The following RAPGEF6 variants were observed in gnomAD, a reference collection of about 807,000 sequenced individuals.
RAPGEF6 encodes PDZ domain containing guanine nucleotide exchange factor (GEF) 2.
A neutral mutation model predicts 171.4 loss-of-function variants in RAPGEF6; 56 were observed. The observed-to-expected ratio is 0.33, with a 90% CI of 0.26 to 0.41. The LOEUF (loss-of-function observed/expected upper bound fraction) is 0.41, where lower values mean the gene tolerates loss of function less well. Ranked by LOEUF, RAPGEF6 falls within the 10% of genes least tolerant of loss-of-function variation. The pLI is 1.00. For synonymous variants in RAPGEF6, 692 were observed against 650.1 expected, an observed-to-expected ratio of 1.06 and a Z score of -0.98; for missense variants, 1,674 against 1,921.4, an observed-to-expected ratio of 0.87 and a Z score of 2.41.
intron 1 of RAPGEF6, among the ~76,000 whole-genome samples, chr5:131,633,625 G>C (rs962957498): frequency 2.0e-5 from 3 of 152,008 alleles, no homozygotes; most frequent in Non-Finnish European, 2.9e-5. Flanking sequence ...CAGCTACTCC[G>C]GAGGCTGAGG....
chr5:131,533,935 A>G (rs1759579496), intron 6 of RAPGEF6, among the ~76,000 whole-genome samples: 1 of 152,064 alleles, frequency 6.6e-6, no homozygotes, highest in South Asian at 2.1e-4. Flanking sequence ...GAAACACAAT[A>G]CCACTAGTAC....
intron 23 of RAPGEF6, among the ~76,000 whole-genome samples, chr5:131,440,426 T>C (rs1297600937): frequency 3.9e-5 from 6 of 152,114 alleles, no homozygotes; most frequent in Admixed American, 1.3e-4. Context: ...CAGAGAGCTA[T>C]AGACACTGTT....
rs746302750 is a variant in RAPGEF6 at position 131,464,310 on chromosome 5, ATTT to A, written c.2240-32_2240-30del. ...CATAAATAGAAAGATATGCTTTGTT[ATTT>A]TTTAAAAAAATCACTTTTAAACCCT... On this transcript the variant is annotated intron_variant, in intron 17 of 27. Coordinates refer to ENST00000509018, the MANE Select transcript of RAPGEF6 (RefSeq NM_016340.6). 4.4e-6 allele frequency: 7 copies of A among 1,586,140 alleles called. No homozygotes were observed. The Admixed American group carries it at 8.4e-5, about 19-fold the overall frequency.
At chr5:131,464,443 CCTT>C (rs1254166640) in intron 17 of RAPGEF6, 162 bp from the exon 18 acceptor site, 6 of 586,028 alleles carry the variant, frequency 1.0e-5, no homozygotes, top group Non-Finnish European at 1.8e-5. Context: ...ATAAATATAT[CCTT>C]TTTTTTTTTT....
At chr5:131,432,196 G>A (rs1262648771) in intron 25 of RAPGEF6, among the ~76,000 whole-genome samples, 5 of 152,158 alleles carry the variant, frequency 3.3e-5, no homozygotes, top group African/African-American at 4.8e-5. Context: ...GTAGATTGCA[G>A]AGGCGAAAAT....
At chr5:131,547,462 T>C (rs552382713) in intron 6 of RAPGEF6, among the ~76,000 whole-genome samples, 259 of 151,696 alleles carry the variant, frequency 1.7e-3, no homozygotes, top group African/African-American at 5.7e-3. Flanking sequence ...CTTTTCAGTC[T>C]AAAAAGAAGC....
At chr5:131,548,325 T>C (rs761630330) in intron 5 of RAPGEF6, 135 bp from the exon 6 acceptor site, 223 of 774,696 alleles carry the variant, frequency 2.9e-4, no homozygotes, top group Admixed American at 8.9e-4. Flanking sequence ...ACAGTCTGTA[T>C]AGCACAACGC....
intron 4 of RAPGEF6, among the ~76,000 whole-genome samples, chr5:131,585,426 G>A (rs1763200188): frequency 6.6e-6 from 1 of 152,078 alleles, no homozygotes. Flanking sequence ...ACTGCTTAGG[G>A]CAAAGCTGCC....
At chr5:131,598,953 AACAAGCCTGAGT>A (rs1168795342) in intron 3 of RAPGEF6, among the ~76,000 whole-genome samples, 2 of 152,236 alleles carry the variant, frequency 1.3e-5, no homozygotes, top group East Asian at 3.8e-4. Context: ...AATCTTGAAG[AACAAGCCTGAGT>A]ACAAGCCTGA....
chr5:131,581,042 CCT>C (rs1320813199), intron 4 of RAPGEF6, among the ~76,000 whole-genome samples: 1 of 152,186 alleles, frequency 6.6e-6, no homozygotes, highest in African/African-American at 2.4e-5. Context: ...GGCATCTCAA[CCT>C]CTGTCACAAC....
At chr5:131,614,013 G>A (rs535695873) in intron 1 of RAPGEF6, among the ~76,000 whole-genome samples, 1 of 152,210 alleles carries the variant, frequency 6.6e-6, no homozygotes, top group Non-Finnish European at 1.5e-5. Flanking sequence ...TGGACACAGT[G>A]GCTCACACCT....
intron 7 of RAPGEF6, among the ~76,000 whole-genome samples, chr5:131,519,665 C>A (rs1758346099): frequency 6.6e-6 from 1 of 152,114 alleles, no homozygotes; most frequent in South Asian, 2.1e-4. Context: ...GCCTCCCATC[C>A]TATAGTTTTT....
In RAPGEF6 at chr5:131,462,010, C is replaced by T. The variant is rs757363320; in HGVS notation, c.2559G>A (p.Gln853=). 5.6e-6 allele frequency: 9 copies of T among 1,613,756 alleles called. No homozygotes were observed. In the South Asian group the frequency reaches 9.9e-5, roughly 18 times the overall value. The change falls in exon 19 of 28, where the codon CAG becomes CAA. Residue 853 remains glutamine, a synonymous_variant. Transcript: ENST00000509018. ...TGGTACTGAGCTGCAGCATGGATAG[C>T]TGGCTTTCCTTAACTAGTTCTTGAG... ...EDAQELVKES[Q]LSMLQLSTIE...
chr5:131,465,017 G>A (rs1754231925), intron 17 of RAPGEF6, among the ~76,000 whole-genome samples: 1 of 151,776 alleles, frequency 6.6e-6, no homozygotes, highest in Non-Finnish European at 1.5e-5. Flanking sequence ...TTGGTTACTG[G>A]TAAGACTCAG....
At chr5:131,559,832 T>C (rs1446229378) in intron 5 of RAPGEF6, among the ~76,000 whole-genome samples, 2 of 130,682 alleles carry the variant, frequency 1.5e-5, no homozygotes, top group Non-Finnish European at 3.2e-5. Flanking sequence ...CCCTTTTCTT[T>C]AAGAAAAAAA....
At position 131,482,685 on chromosome 5, in the gene RAPGEF6, T is replaced by A. The variant is rs191280319; in HGVS notation, c.1841-2932A>T. ...TAGGTCAGGCACTTCACTTGATGTT[T>A]GTATATTACTACTGTTGTGGAACTT... On this transcript the variant is annotated intron_variant, in intron 15 of 27. Transcript: ENST00000509018. 1.6e-3 allele frequency among the ~76,000 whole-genome samples: 244 copies of A among 152,362 alleles called. 1 individual carries two copies. The highest frequency in any genetic ancestry group is 5.6e-3 in the African/African-American group (234 of 41,582).
chr5:131,533,504 G>C (rs1759548298), intron 6 of RAPGEF6, among the ~76,000 whole-genome samples: 1 of 151,956 alleles, frequency 6.6e-6, no homozygotes, highest in Non-Finnish European at 1.5e-5. Context: ...AGGGGTTTCT[G>C]CTTGCAAAAT....
At chr5:131,563,526 C>T (rs1431624933) in intron 4 of RAPGEF6, among the ~76,000 whole-genome samples, 3 of 152,132 alleles carry the variant, frequency 2.0e-5, no homozygotes, top group Non-Finnish European at 4.4e-5. Flanking sequence ...TTCGAGACAG[C>T]ATCTCACTCT....
rs936639684 is a variant in RAPGEF6, at chr5:131,469,960, C to T, written c.2239+2627G>A. 42 of 552,442 alleles carry T rather than the reference C, an allele frequency of 7.6e-5. No individual in the cohort carries two copies. The Middle Eastern group carries it at 1.2e-3, about 16-fold the overall frequency. 34.2% of individuals were successfully genotyped at this position (552,442 alleles called of 1,614,324 possible). ...TATAGGTAAGCTCAAGACCAATAAA[C>T]ATTAATCAAACTTGGCTGTTACACA... On this transcript the variant is annotated intron_variant, in intron 17 of 27. Transcript: ENST00000509018.
Sources: gnomAD v4.1 joint callset for allele counts (sites outside exome capture counted in the v4.1 genomes callset) on GRCh38, gnomAD v4.1.1 for gene constraint, MANE v1.5 for transcripts, NCBI Gene and HGNC (gene_info 2026-07-23, HGNC 2026-07-21) for gene names.